Variants in C1orf21 observed in about 807,000 individuals in gnomAD.
C1orf21 encodes the protein chromosome 1 open reading frame 21.
Under a neutral mutation model 18.7 loss-of-function variants are expected in C1orf21, and 3 were observed. The ratio of observed to expected loss-of-function variants is 0.16; its 90% confidence interval spans 0.07 to 0.42. The LOEUF is 0.42. C1orf21 is among the 10% of genes least tolerant of loss of function. The pLI is 0.99. For synonymous variants in C1orf21, 41 were observed against 46.4 expected (o/e 0.88, Z 0.47); for missense variants, 104 against 143.6 (o/e 0.72, Z 1.41).
chr1:184,449,129 C>T (rs1213971018), intron 1 of C1orf21, among the ~76,000 whole-genome samples: 6 of 151,856 alleles, frequency 4.0e-5, no homozygotes, highest in African/African-American at 1.2e-4. Flanking sequence ...ATACATGTGC[C>T]ATGTTGGTGT....
intron 1 of C1orf21, among the ~76,000 whole-genome samples, chr1:184,445,408 C>G (rs1296862956): frequency 6.6e-6 from 1 of 150,798 alleles, no homozygotes; most frequent in Non-Finnish European, 1.5e-5. Flanking sequence ...TTTCTTCTGT[C>G]TATTAAACTT....
At chr1:184,586,575 G>A (rs1659357285) in intron 3 of C1orf21, among the ~76,000 whole-genome samples, 3 of 152,114 alleles carry the variant, frequency 2.0e-5, no homozygotes, top group Admixed American at 6.5e-5. Flanking sequence ...GAGCCACCGC[G>A]CCCGGCCTTG....
chr1:184,545,948 T>G (rs1242389169), intron 3 of C1orf21: 1 of 152,160 alleles, frequency 6.6e-6, no homozygotes, highest in Non-Finnish European at 1.5e-5. Context: ...CAGTGGAAAT[T>G]CTCCTTCGAT....
chr1:184,557,652 G>A (rs1276407106), intron 3 of C1orf21, among the ~76,000 whole-genome samples: 2 of 152,106 alleles, frequency 1.3e-5, no homozygotes, highest in African/African-American at 4.8e-5. Flanking sequence ...CTTGTTGATT[G>A]ATGGGCATTT....
At chr1:184,606,608 C>G (rs751576961) in intron 5 of C1orf21, among the ~76,000 whole-genome samples, 78 of 151,432 alleles carry the variant, frequency 5.2e-4, no homozygotes, top group Non-Finnish European at 9.3e-4. Flanking sequence ...TTACTATCAG[C>G]CTAAATATGC....
At chr1:184,555,014 C>T (rs984325290) in intron 3 of C1orf21, among the ~76,000 whole-genome samples, 1 of 152,120 alleles carries the variant, frequency 6.6e-6, no homozygotes, top group Non-Finnish European at 1.5e-5. Flanking sequence ...TTGTAATTTC[C>T]TCCTCATACT....
intron 1 of C1orf21, among the ~76,000 whole-genome samples, chr1:184,445,523 C>T (rs750865025): frequency 3.1e-5 from 4 of 130,862 alleles, no homozygotes; most frequent in African/African-American, 8.7e-5. Flanking sequence ...TAAATTAAAA[C>T]GTGCTTTGTT....
At chr1:184,457,413 G>T (rs1245680537) in intron 1 of C1orf21, among the ~76,000 whole-genome samples, 1 of 152,166 alleles carries the variant, frequency 6.6e-6, no homozygotes, top group Non-Finnish European at 1.5e-5. Context: ...AAAGGGAAAA[G>T]ACATGGATTC....
chr1:184,468,748 G>T (rs180943096), intron 1 of C1orf21, among the ~76,000 whole-genome samples: 2 of 151,830 alleles, frequency 1.3e-5, no homozygotes, highest in Non-Finnish European at 2.9e-5. Context: ...GTGAAACACC[G>T]TCTCTACTGA....
chr1:184,396,206 G>A (rs1413995709), intron 1 of C1orf21, among the ~76,000 whole-genome samples: 1 of 152,166 alleles, frequency 6.6e-6, no homozygotes, highest in African/African-American at 2.4e-5. Context: ...TAAGCAGTGA[G>A]GGTCACTGAA....
chr1:184,410,668 T>A lies in C1orf21; in HGVS notation c.-125+23300T>A, dbSNP rs1173459687. On this transcript the variant is annotated intron_variant, in intron 1 of 5. Coordinates refer to ENST00000235307, the MANE Select transcript of C1orf21 (RefSeq NM_030806.4). ...ATATATATATATATATATATATTTT[T>A]TTTTTTTTTTTTTGAGATGGAGTTT... 2.6e-3 allele frequency among the ~76,000 whole-genome samples: 109 copies of A among 42,650 alleles called. 21 individuals are homozygous for A. The African/African-American group carries it at 0.032, about 12-fold the overall frequency. 28.0% of individuals were successfully genotyped at this position (42,650 alleles called of 152,430 possible). A position where few individuals can be genotyped will look rare whatever the true frequency, so the allele number is the denominator to read the frequency against.
intron 3 of C1orf21, among the ~76,000 whole-genome samples, chr1:184,587,517 C>G (rs982219129): frequency 1.4e-5 from 2 of 139,304 alleles, no homozygotes; most frequent in Non-Finnish European, 3.1e-5. Flanking sequence ...AGCTGTGTTC[C>G]TAGGAATTGT....
intron 3 of C1orf21, among the ~76,000 whole-genome samples, chr1:184,512,460 GT>G (rs1193028938): frequency 1.3e-5 from 2 of 152,098 alleles, no homozygotes; most frequent in Non-Finnish European, 1.5e-5. Context: ...GATCGTGCTG[GT>G]TTTCTGAGGC....
chr1:184,517,392 A>G (rs937574390), intron 3 of C1orf21, among the ~76,000 whole-genome samples: 2 of 152,160 alleles, frequency 1.3e-5, no homozygotes, highest in Non-Finnish European at 2.9e-5. Flanking sequence ...AGAAATGACT[A>G]TTTACCTTTG....
chr1:184,551,336 C>T (rs2101981772), intron 3 of C1orf21, among the ~76,000 whole-genome samples: 1 of 152,132 alleles, frequency 6.6e-6, no homozygotes, highest in African/African-American at 2.4e-5. Context: ...GTGGAAGAAA[C>T]CACAAGGGAA....
chr1:184,424,851 A>G (rs909858284), intron 1 of C1orf21, among the ~76,000 whole-genome samples: 1 of 152,162 alleles, frequency 6.6e-6, no homozygotes, highest in Non-Finnish European at 1.5e-5. Context: ...TATTTACCAT[A>G]ATCTCCAACT....
At chr1:184,394,606 T>G (rs1656021778) in intron 1 of C1orf21, among the ~76,000 whole-genome samples, 2 of 152,158 alleles carry the variant, frequency 1.3e-5, no homozygotes, top group Non-Finnish European at 2.9e-5. Context: ...CATGAGACAA[T>G]TGAAAGGCCA....
intron 1 of C1orf21, among the ~76,000 whole-genome samples, chr1:184,394,543 A>G (rs904517979): frequency 5.3e-5 from 8 of 152,282 alleles, no homozygotes; most frequent in African/African-American, 1.9e-4. Flanking sequence ...CCTGAATTCC[A>G]CAGTTGACAA....
chr1:184,599,864 G>A (rs1158084610), intron 5 of C1orf21, among the ~76,000 whole-genome samples: 1 of 152,186 alleles, frequency 6.6e-6, no homozygotes, highest in Non-Finnish European at 1.5e-5. Flanking sequence ...GACTAGGGTT[G>A]TTCAACCAGT....
Sources: allele counts gnomAD v4.1 joint callset (sites outside exome capture counted in the v4.1 genomes callset), GRCh38; gene constraint gnomAD v4.1.1; transcripts MANE v1.5; gene names NCBI Gene and HGNC (gene_info 2026-07-23, HGNC 2026-07-21).